The following UBE2W variants were observed in gnomAD, a reference collection of about 807,000 sequenced individuals.
UBE2W encodes ubiquitin conjugating enzyme E2 W, also known as ubiquitin-conjugating enzyme E2 W.
In UBE2W, 18 loss-of-function variants were observed where a neutral mutation model predicts 27.2. That is an observed-to-expected ratio of 0.66 (90% CI 0.46 to 0.98). UBE2W has a LOEUF of 0.98. UBE2W is among the 50% of genes least tolerant of loss of function. The pLI is 0.00. For synonymous variants in UBE2W, 53 were observed against 57.2 expected (o/e 0.93, Z 0.33); for missense variants, 90 against 180.2 (o/e 0.50, Z 2.87).
chr8:73,845,119 C>A (rs1418971172), intron 1 of UBE2W, among the ~76,000 whole-genome samples: 1 of 39,644 alleles, frequency 2.5e-5, no homozygotes, highest in East Asian at 1.3e-3. Context: ...CTGGCCGCCG[C>A]CCCGTCTGGG....
rs1811348871 is a variant in UBE2W at position 73,857,445 on chromosome 8, TAAAAG to T, written c.15+21358_15+21362del. On this transcript the variant is annotated intron_variant, in intron 1 of 5. Transcript: ENST00000602593. ...TGTTCTAAAATATAATAATGTATTA[TAAAAG>T]ATTGCAAGTATGTAAGAGTATGTAA... 3.0e-5 allele frequency among the ~76,000 whole-genome samples: 3 copies of T among 101,114 alleles called. No homozygotes were observed. The South Asian group carries it at 1.2e-3, about 41-fold the overall frequency. The allele number at this position is 101,114 out of a possible 152,430, so 66.3% of individuals were successfully genotyped here.
In UBE2W at chr8:73,786,786, T is replaced by C; in HGVS notation, c.*7316A>G. The C allele has an allele frequency of 1.0e-6, 1 of 985,438 alleles. No homozygotes were observed. Among genetic ancestry groups the C allele is most frequent in the Non-Finnish European group, 1.2e-6 (1 of 829,922 alleles). The allele number at this position is 985,438 out of a possible 1,614,324, so 61.0% of individuals were successfully genotyped here. ...AGAAATCTCAGAGACATTTTAAAGT[T>C]ACACTCAACAGGACTTGAAAAATGC... is the stretch of plus-strand genomic sequence containing the variant. On this transcript the variant is annotated 3_prime_UTR_variant, in exon 6 of 6. Transcript: ENST00000602593.
chr8:73,820,205 T>C (rs746312149), intron 3 of UBE2W, among the ~76,000 whole-genome samples: 3 of 152,186 alleles, frequency 2.0e-5, no homozygotes, highest in Non-Finnish European at 4.4e-5. Flanking sequence ...TTCTAGCCAC[T>C]TTCCCAGGGC....
At chr8:73,860,384 A>G (rs1811491241) in intron 1 of UBE2W, among the ~76,000 whole-genome samples, 1 of 152,200 alleles carries the variant, frequency 6.6e-6, no homozygotes, top group African/African-American at 2.4e-5. Context: ...AATATACTCA[A>G]CTGTGTTTTC....
At chr8:73,780,728 T>G (rs1807826470) in intron 4 of UBE2W, among the ~76,000 whole-genome samples, 1 of 151,912 alleles carries the variant, frequency 6.6e-6, no homozygotes, top group African/African-American at 2.4e-5. Flanking sequence ...TTTGCCATGT[T>G]GCCCAGGCTG....
chr8:73,799,980 C>A (rs1808571231), intron 5 of UBE2W, among the ~76,000 whole-genome samples: 1 of 152,102 alleles, frequency 6.6e-6, no homozygotes, highest in African/African-American at 2.4e-5. Flanking sequence ...GTGGAAAGTT[C>A]TAATAAGAAA....
chr8:73,842,528 C>CAAAAAAAAAAAAAAAAA lies in UBE2W; in HGVS notation c.16-12073_16-12057dup, dbSNP rs759063478. 2.1e-4 allele frequency among the ~76,000 whole-genome samples: 2 copies of CAAAAAAAAAAAAAAAAA among 9,678 alleles called. 1 individual carries two copies. The highest frequency in any genetic ancestry group is 5.6e-4 in the African/African-American group (2 of 3,564). The allele number at this position is 9,678 out of a possible 152,430, so 6.3% of individuals were successfully genotyped here. ...TGGGCGACAGAGGGAGACTCCGTCT[C>CAAAAAAAAAAAAAAAAA]AAAAAAAAAAAAAAAAAAAAAAAAA... On this transcript the variant is annotated intron_variant, in intron 1 of 5. Coordinates refer to ENST00000602593, the MANE Select transcript of UBE2W (RefSeq NM_018299.6).
At chr8:73,849,154 G>A (rs373451899) in intron 1 of UBE2W, among the ~76,000 whole-genome samples, 1 of 152,036 alleles carries the variant, frequency 6.6e-6, no homozygotes, top group Non-Finnish European at 1.5e-5. Context: ...GAGATTTTTC[G>A]TAAAAGTTTT....
chr8:73,832,776 G>A lies in UBE2W; in HGVS notation c.16-2304C>T, dbSNP rs371385380. 7.0e-4 allele frequency among the ~76,000 whole-genome samples: 106 copies of A among 152,298 alleles called. No homozygotes were observed. In the South Asian group the frequency reaches 0.012, roughly 18 times the overall value. The stretch of plus-strand genomic sequence containing the variant: ...TCATGTTGCTACTTAAAATGTTTCA[G>A]ATTTTGGAGCATTTCACATTTCAGA... On this transcript the variant is annotated intron_variant, in intron 1 of 5. Coordinates refer to ENST00000602593, the MANE Select transcript of UBE2W (RefSeq NM_018299.6).
At chr8:73,802,284 T>C (rs1008994268) in intron 5 of UBE2W, among the ~76,000 whole-genome samples, 18 of 152,238 alleles carry the variant, frequency 1.2e-4, no homozygotes, top group Non-Finnish European at 2.6e-4. Context: ...ATTGCATTTG[T>C]TTTATAAAAC....
chr8:73,827,468 C>A (rs772290698), intron 2 of UBE2W, among the ~76,000 whole-genome samples: 2 of 152,148 alleles, frequency 1.3e-5, no homozygotes, highest in Non-Finnish European at 2.9e-5. Context: ...CCCGCCTCGG[C>A]GTCCCAAAGT....
chr8:73,850,921 G>A (rs375034904), intron 1 of UBE2W, among the ~76,000 whole-genome samples: 398 of 151,728 alleles, frequency 2.6e-3, no homozygotes, highest in African/African-American at 7.4e-3. Context: ...GTACAGTGGC[G>A]CAATCTCGGC....
chr8:73,873,724 C>G (rs1812103303), intron 1 of UBE2W, among the ~76,000 whole-genome samples: 1 of 152,156 alleles, frequency 6.6e-6, no homozygotes, highest in South Asian at 2.1e-4. Flanking sequence ...TGAAAATAAG[C>G]ACACATTCAT....
chr8:73,846,691 A>T (rs72661829), intron 1 of UBE2W, among the ~76,000 whole-genome samples: 5,067 of 152,308 alleles, frequency 0.033, 145 homozygotes, highest in South Asian at 0.15. Context: ...AAAATGTCTA[A>T]TTTGTAAAAT....
At chr8:73,873,298 A>AC (rs1207612512) in intron 1 of UBE2W, among the ~76,000 whole-genome samples, 1 of 152,208 alleles carries the variant, frequency 6.6e-6, no homozygotes, top group Non-Finnish European at 1.5e-5. Context: ...CATGACTACT[A>AC]CAACAGTAAT....
In UBE2W at chr8:73,787,588, A is replaced by T; in HGVS notation, c.*6514T>A. ...ACTAAGGTGCTCCTGGGGCAAGCAG[A>T]TCCCCTGCAGAAAAGCTTAGAATTA... is the stretch of plus-strand genomic sequence containing the variant. On this transcript the variant is annotated 3_prime_UTR_variant, in exon 6 of 6. Coordinates refer to ENST00000602593, the MANE Select transcript of UBE2W (RefSeq NM_018299.6). 6.1e-6 allele frequency: 6 copies of T among 985,438 alleles called. No homozygotes were observed. The highest frequency in any genetic ancestry group is 7.2e-6 in the Non-Finnish European group (6 of 829,930). The allele number at this position is 985,438 out of a possible 1,614,324, so 61.0% of individuals were successfully genotyped here.
At chr8:73,810,034 T>C (rs953438319) in intron 4 of UBE2W, among the ~76,000 whole-genome samples, 3 of 152,046 alleles carry the variant, frequency 2.0e-5, no homozygotes, top group African/African-American at 7.2e-5. Flanking sequence ...ACCTAATCAT[T>C]AGGACAGGGA....
rs117649478 is a variant in UBE2W, at chr8:73,861,598, G to A, written c.15+17210C>T. ...GCTGAGATCCCAGGCATGAGCCATCGTGACCAACCCAGATTACGTTTTAAA... is the reference window on the plus strand; with the variant it reads ...GCTGAGATCCCAGGCATGAGCCATCATGACCAACCCAGATTACGTTTTAAA... On this transcript the variant is annotated intron_variant, in intron 1 of 5. Coordinates refer to ENST00000602593, the MANE Select transcript of UBE2W (RefSeq NM_018299.6). Among the ~76,000 whole-genome samples, 142 of 152,204 alleles carry A rather than the reference G, an allele frequency of 9.3e-4. No homozygotes were observed. The East Asian group carries it at 0.02, about 22-fold the overall frequency.
chr8:73,804,366 C>T (rs1397502937), intron 5 of UBE2W, among the ~76,000 whole-genome samples: 3 of 150,794 alleles, frequency 2.0e-5, no homozygotes, highest in East Asian at 1.9e-4. Flanking sequence ...TTTTTGTTTA[C>T]TTGCTTCAAA....
Sources: allele counts gnomAD v4.1 joint callset (sites outside exome capture counted in the v4.1 genomes callset), GRCh38; gene constraint gnomAD v4.1.1; transcripts MANE v1.5; gene names NCBI Gene and HGNC (gene_info 2026-07-23, HGNC 2026-07-21).